Variants in ABHD2 observed in about 807,000 individuals in gnomAD.
ABHD2 encodes the protein abhydrolase domain containing 2, acylglycerol lipase, also known as monoacylglycerol lipase ABHD2.
Under a neutral mutation model 48.1 loss-of-function variants are expected in ABHD2, and 20 were observed. That is an observed-to-expected ratio of 0.42 (90% CI 0.29 to 0.60). The LOEUF is 0.60. ABHD2 is among the 20% of genes least tolerant of loss of function. ABHD2 has a pLI of 0.24. For synonymous variants in ABHD2, 209 were observed against 214.2 expected, an observed-to-expected ratio of 0.98 and a Z score of 0.21; for missense variants, 405 against 550.9, an observed-to-expected ratio of 0.74 and a Z score of 2.65.
intron 3 of ABHD2, among the ~76,000 whole-genome samples, chr15:89,150,097 A>G (rs1414737901): frequency 1.3e-5 from 2 of 152,174 alleles, no homozygotes; most frequent in Non-Finnish European, 2.9e-5. Flanking sequence ...CTTTTGTTCT[A>G]TTTTCTGAGA....
chr15:89,052,542 G>C, the ABHD2 span, among the ~76,000 whole-genome samples: 1,441 of 138,962 alleles, frequency 0.01, 34 homozygotes, highest in African/African-American at 0.042. Flanking sequence ...CAGACAGACA[G>C]ACAGACAGAC....
At chr15:89,057,465 A>T in the ABHD2 span, among the ~76,000 whole-genome samples, 1 of 152,080 alleles carries the variant, frequency 6.6e-6, no homozygotes, top group Admixed American at 6.5e-5. Context: ...CGCCTCTGGA[A>T]CTCCAAGGAT....
chr15:89,143,298 C>T (rs2050435131), intron 3 of ABHD2, among the ~76,000 whole-genome samples: 2 of 152,210 alleles, frequency 1.3e-5, no homozygotes, highest in Admixed American at 6.5e-5. Context: ...GTTTTATTAT[C>T]AGTTGATTCT....
rs550431118 is a variant in ABHD2 at position 89,184,769 on chromosome 15, C to T, written c.723-655C>T. Among the ~76,000 whole-genome samples, 16 of 152,336 alleles carry T rather than the reference C, an allele frequency of 1.1e-4. No homozygotes were observed. Among genetic ancestry groups the T allele is most frequent in the African/African-American group, 3.8e-4 (16 of 41,574 alleles). ...TCAGAGTGTGGCCCTCACAGCCACA[C>T]ACTAGTGTGCCAGTCACACACTAGC... On this transcript the variant is annotated intron_variant, in intron 6 of 10. Coordinates refer to ENST00000352732, the MANE Select transcript of ABHD2 (RefSeq NM_152924.5). This position sits in a 1 kb window ranked among gnomAD's most constrained non-coding sequence, Gnocchi z 5.1.
intron 5 of ABHD2, among the ~76,000 whole-genome samples, chr15:89,171,204 A>G (rs533041648): frequency 6.6e-6 from 1 of 152,218 alleles, no homozygotes; most frequent in Admixed American, 6.5e-5. Flanking sequence ...CAACGTCAGC[A>G]TCACCTGAGA....
intron 3 of ABHD2, among the ~76,000 whole-genome samples, chr15:89,145,731 G>T (rs2050480622): frequency 6.6e-6 from 1 of 152,164 alleles, no homozygotes; most frequent in Non-Finnish European, 1.5e-5. Context: ...GAAATTGAAG[G>T]CATCCCTTTT....
chr15:89,173,944 T>A lies in ABHD2; in HGVS notation c.539-1868T>A, dbSNP rs2050969620. 6.6e-6 allele frequency among the ~76,000 whole-genome samples: 1 copy of A among 152,150 alleles called. No individual in the cohort carries two copies. ...CCCTTAGTTTTAGGCATCTCTTGCT[T>A]AAGCTCCTTCTAAGCCCCCAGCATT... On this transcript the variant is annotated intron_variant, in intron 5 of 10. Coordinates refer to ENST00000352732, the MANE Select transcript of ABHD2 (RefSeq NM_152924.5). This position sits in a 1 kb window ranked among gnomAD's most constrained non-coding sequence, Gnocchi z 6.5.
rs2051063927 is a variant in ABHD2, at chr15:89,179,024, CAGCACTTAAG to C, written c.722+3031_722+3040del. On this transcript the variant is annotated intron_variant, in intron 6 of 10. Transcript: ENST00000352732. This position sits in a 1 kb window ranked among gnomAD's most constrained non-coding sequence, Gnocchi z 4.3. Reference sequence around the variant, plus strand: ...AGATAGTCTGTATCTGAGGACCTCACAGCACTTAAGACAGCAGAGTGATATTTACAAAGCC... The same window carrying C: ...AGATAGTCTGTATCTGAGGACCTCACACAGCAGAGTGATATTTACAAAGCC... Among the ~76,000 whole-genome samples, 1 of 152,240 alleles carries C rather than the reference CAGCACTTAAG, an allele frequency of 6.6e-6. No homozygotes were observed. The highest frequency in any genetic ancestry group is 6.5e-5 in the Admixed American group (1 of 15,286).
At position 89,201,500 on chromosome 15, in the gene ABHD2, G is replaced by A. The variant is rs2051465097; in HGVS notation, c.*6077G>A. On this transcript the variant is annotated 3_prime_UTR_variant, in exon 11 of 11. Coordinates refer to ENST00000352732, the MANE Select transcript of ABHD2 (RefSeq NM_152924.5). ...GCTTCCATATCTGAAGTGTTTAGTG[G>A]AGCAAAAATTGTACCATAAACTTGT... is the stretch of plus-strand genomic sequence containing the variant. 1 of 1,582,800 alleles carries A rather than the reference G, an allele frequency of 6.3e-7. No homozygotes were observed. Among genetic ancestry groups the A allele is most frequent in the East Asian group, 2.2e-5 (1 of 44,742 alleles).
At position 89,188,676 on chromosome 15, in the gene ABHD2, G is replaced by C. The variant is rs2051254407; in HGVS notation, c.926+373G>C. On this transcript the variant is annotated intron_variant, in intron 8 of 10. Transcript: ENST00000352732. This position sits in a 1 kb window ranked among gnomAD's most constrained non-coding sequence, Gnocchi z 4.1. ...TCTGCATTTCGCAGTGGAGTAAAAG[G>C]CAAAAGAAATACTTCTTGTACTTCT... Among the ~76,000 whole-genome samples the C allele has an allele frequency of 6.6e-6, 1 of 152,240 alleles. No individual in the cohort carries two copies. Among genetic ancestry groups the C allele is most frequent in the Non-Finnish European group, 1.5e-5 (1 of 68,012 alleles).
chr15:89,144,226 T>A (rs2050454920), intron 3 of ABHD2, among the ~76,000 whole-genome samples: 1 of 152,130 alleles, frequency 6.6e-6, no homozygotes, highest in South Asian at 2.1e-4. Flanking sequence ...CTCCGCCTCC[T>A]GGGTTCAAGC....
rs566439604 is a variant in ABHD2, at chr15:89,168,917, C to T, written c.539-6895C>T. Among the ~76,000 whole-genome samples, 33 of 152,058 alleles carry T rather than the reference C, an allele frequency of 2.2e-4. No homozygotes were observed. The highest frequency in any genetic ancestry group is 1.4e-3 in the East Asian group (7 of 5,132). ...CATAGTGGAACCTCCCAGGCAAGTT[C>T]GCCCATCTCTACAAAAAATCAGAAA... On this transcript the variant is annotated intron_variant, in intron 5 of 10. Transcript: ENST00000352732. This position sits in a 1 kb window ranked among gnomAD's most constrained non-coding sequence, Gnocchi z 4.8.
At chr15:89,135,405 A>G in intron 3 of ABHD2, 1 of 583,668 alleles carries the variant, frequency 1.7e-6, no homozygotes, top group Admixed American at 3.0e-5. Flanking sequence ...TGTTAACTAT[A>G]CAAAAAAAAA....
At chr15:89,084,229 A>T (rs1229527369), upstream of ABHD2, among the ~76,000 whole-genome samples, 1 of 139,980 alleles carries the variant, frequency 7.1e-6, no homozygotes, top group African/African-American at 2.7e-5. The surrounding 1 kb of genome is among the most constrained non-coding windows in gnomAD (Gnocchi z 4.4). Context: ...AAAAAAAAAA[A>T]TCCTGCATGT....
chr15:89,052,969 CTTT>C, the ABHD2 span, among the ~76,000 whole-genome samples: 5 of 138,418 alleles, frequency 3.6e-5, no homozygotes, highest in African/African-American at 7.9e-5. Flanking sequence ...TGGTGGGCAG[CTTT>C]TTTTTTTTTT....
intron 3 of ABHD2, among the ~76,000 whole-genome samples, chr15:89,134,113 C>T (rs2050264791): frequency 6.6e-6 from 1 of 152,204 alleles, no homozygotes; most frequent in South Asian, 2.1e-4. Flanking sequence ...GCTGGGATTA[C>T]AGGCGTGAGC....
In ABHD2 at chr15:89,094,825, G is replaced by A. The variant is rs1460568628; in HGVS notation, c.-107+6262G>A. On this transcript the variant is annotated intron_variant, in intron 1 of 10. Transcript: ENST00000352732. This position sits in a 1 kb window ranked among gnomAD's most constrained non-coding sequence, Gnocchi z 4.7. ...CACCTGTAATCCCAGTACTTTGAGAGGCCGAGGCAGGCGGATCACTTGAGA... is the reference window on the plus strand; with the variant it reads ...CACCTGTAATCCCAGTACTTTGAGAAGCCGAGGCAGGCGGATCACTTGAGA... Among the ~76,000 whole-genome samples the A allele has an allele frequency of 2.0e-5, 3 of 152,042 alleles. No homozygotes were observed. Among genetic ancestry groups the A allele is most frequent in the Admixed American group, 6.5e-5 (1 of 15,274 alleles).
the ABHD2 span, among the ~76,000 whole-genome samples, chr15:89,081,809 C>T: frequency 6.6e-6 from 1 of 152,056 alleles, no homozygotes; most frequent in Admixed American, 6.5e-5. Context: ...CAAGGTCGTG[C>T]CACTGTACTC....
rs1003530985 is a variant in ABHD2, at chr15:89,133,587, T to C, written c.194+17066T>C. Among the ~76,000 whole-genome samples, 10 of 152,320 alleles carry C rather than the reference T, an allele frequency of 6.6e-5. No homozygotes were observed. In the South Asian group the frequency reaches 1.0e-3, roughly 16 times the overall value. ...GTTTTCTCACTGTGGTTTTAATTAGTCTTTCTTTGATTAAAGAGACTGTGT... is the reference window on the plus strand; with the variant it reads ...GTTTTCTCACTGTGGTTTTAATTAGCCTTTCTTTGATTAAAGAGACTGTGT... On this transcript the variant is annotated intron_variant, in intron 3 of 10. Coordinates refer to ENST00000352732, the MANE Select transcript of ABHD2 (RefSeq NM_152924.5).
Sources: allele counts gnomAD v4.1 joint callset (sites outside exome capture counted in the v4.1 genomes callset), GRCh38; gene constraint gnomAD v4.1.1; non-coding constraint Gnocchi (gnomAD v3.1); transcripts MANE v1.5; gene names NCBI Gene and HGNC (gene_info 2026-07-23, HGNC 2026-07-21).